Variants in STAT4 observed in about 807,000 individuals in gnomAD.
The protein encoded by STAT4 is signal transducer and activator of transcription 4.
STAT4 carries 42 observed loss-of-function variants against 110.5 expected under a neutral mutation model. The observed-to-expected ratio is 0.38, with a 90% CI of 0.30 to 0.49. STAT4 has a LOEUF of 0.49. Among genes scored for constraint, STAT4 ranks in the 20% least tolerant of loss-of-function variants. The pLI, the probability that STAT4 is intolerant of heterozygous loss-of-function variation, is 0.95. For synonymous variants in STAT4, 284 were observed against 302.2 expected (o/e 0.94, Z 0.63); for missense variants, 632 against 887.9 (o/e 0.71, Z 3.66).
rs1024351038 is a variant in STAT4 at position 191,138,814 on chromosome 2, G to A, written c.273+7799C>T. On this transcript the variant is annotated intron_variant, in intron 3 of 23. Coordinates refer to ENST00000392320, the MANE Select transcript of STAT4 (RefSeq NM_003151.4). This position sits in a 1 kb window ranked among gnomAD's most constrained non-coding sequence, Gnocchi z 4.3. The stretch of plus-strand genomic sequence containing the variant: ...GAAAGGGCATAACAAGAAAACTACC[G>A]GACCAATAGCTCTGATGAACATAGA... Among the ~76,000 whole-genome samples the A allele has an allele frequency of 1.1e-4, 17 of 151,878 alleles. No homozygotes were observed. Among genetic ancestry groups the A allele is most frequent in the African/African-American group, 3.4e-4 (14 of 41,346 alleles).
In STAT4 at chr2:191,124,592, G is replaced by C. The variant is rs188703602; in HGVS notation, c.273+22021C>G. 2.2e-3 allele frequency among the ~76,000 whole-genome samples: 334 copies of C among 152,050 alleles called. 2 individuals are homozygous for C. The highest frequency in any genetic ancestry group is 6.8e-3 in the Middle Eastern group (2 of 292). The stretch of plus-strand genomic sequence containing the variant: ...GGCAGGCAAATATGTAGACACATTA[G>C]TTCCAGTTATTTCCCATTATAATAA... On this transcript the variant is annotated intron_variant, in intron 3 of 23. Coordinates refer to ENST00000392320, the MANE Select transcript of STAT4 (RefSeq NM_003151.4).
At chr2:191,124,845 C>A (rs1047079180) in intron 3 of STAT4, among the ~76,000 whole-genome samples, 1 of 152,210 alleles carries the variant, frequency 6.6e-6, no homozygotes, top group East Asian at 1.9e-4. Context: ...CATTCCTATG[C>A]CACTTCCTAG....
At chr2:191,081,604 A>AT (rs1697483405) in intron 3 of STAT4, among the ~76,000 whole-genome samples, 1 of 152,078 alleles carries the variant, frequency 6.6e-6, no homozygotes. Context: ...GACGATGAGC[A>AT]TTTTTTTCAC....
At chr2:191,123,928 A>C (rs1244399052) in intron 3 of STAT4, among the ~76,000 whole-genome samples, 1 of 152,178 alleles carries the variant, frequency 6.6e-6, no homozygotes, top group East Asian at 1.9e-4. Flanking sequence ...GAAAAATTGT[A>C]AGCCAAACCA....
In STAT4 at chr2:191,034,611, AAAG is replaced by A; in HGVS notation, c.1571-17_1571-15del. 6.2e-7 allele frequency: 1 copy of A among 1,608,088 alleles called. No homozygotes were observed. The highest frequency in any genetic ancestry group is 8.5e-7 in the Non-Finnish European group (1 of 1,174,694). On this transcript the variant is annotated splice_polypyrimidine_tract_variant and intron_variant, in intron 17 of 23. Transcript: ENST00000392320. The stretch of plus-strand genomic sequence containing the variant: ...AGCTAGATTGGACTGAAATGAAAGA[AAAG>A]AATGAAATTTTTCACTGGACAATGA...
At chr2:191,125,449 T>G (rs1390113154) in intron 3 of STAT4, among the ~76,000 whole-genome samples, 2 of 150,280 alleles carry the variant, frequency 1.3e-5, no homozygotes, top group African/African-American at 4.9e-5. Flanking sequence ...GACTATCTAC[T>G]GAGCCATTGG....
At position 191,046,746 on chromosome 2, in the gene STAT4, T is replaced by C. The variant is rs901878659; in HGVS notation, c.1252-5598A>G. ...ACAGAGCTCCTAAGACCTTTCTAGATGGAGATGCCAGGTGAGTCTTCTGTT... is the reference window on the plus strand; with the variant it reads ...ACAGAGCTCCTAAGACCTTTCTAGACGGAGATGCCAGGTGAGTCTTCTGTT... On this transcript the variant is annotated intron_variant, in intron 14 of 23. Transcript: ENST00000392320. The surrounding 1 kb of genome is among the most constrained non-coding windows in gnomAD (Gnocchi z 4.6). Among the ~76,000 whole-genome samples, 1 of 152,242 alleles carries C rather than the reference T, an allele frequency of 6.6e-6. No individual in the cohort carries two copies. The highest frequency in any genetic ancestry group is 1.5e-5 in the Non-Finnish European group (1 of 68,044).
At chr2:191,109,378 C>A (rs1198511887) in intron 3 of STAT4, among the ~76,000 whole-genome samples, 1 of 151,826 alleles carries the variant, frequency 6.6e-6, no homozygotes, top group East Asian at 1.9e-4. Context: ...AAGAGAATGT[C>A]TCCTTCAGGC....
intron 3 of STAT4, among the ~76,000 whole-genome samples, chr2:191,109,085 TGAGAA>T (rs1261607061): frequency 6.6e-6 from 1 of 152,234 alleles, no homozygotes; most frequent in Non-Finnish European, 1.5e-5. Flanking sequence ...TATCTGCTAC[TGAGAA>T]GAGAAGCATT....
Position 191,034,609 on chromosome 2 carries a change from G to T in STAT4, c.1571-12C>A. 1.2e-6 allele frequency: 2 copies of T among 1,607,718 alleles called. No homozygotes were observed. The highest frequency in any genetic ancestry group is 8.5e-7 in the Non-Finnish European group (1 of 1,174,444). On this transcript the variant is annotated splice_polypyrimidine_tract_variant and intron_variant, in intron 17 of 23. Coordinates refer to ENST00000392320, the MANE Select transcript of STAT4 (RefSeq NM_003151.4). ...GTAGCTAGATTGGACTGAAATGAAA[G>T]AAAAGAATGAAATTTTTCACTGGAC...
chr2:191,112,884 C>T lies in STAT4; in HGVS notation c.273+33729G>A, dbSNP rs546448176. On this transcript the variant is annotated intron_variant, in intron 3 of 23. Transcript: ENST00000392320. This position sits in a 1 kb window ranked among gnomAD's most constrained non-coding sequence, Gnocchi z 4.3. ...CTGTGACTCAGAATTAAACATACAA[C>T]GTTCAGTCCTATAATAGAGCAAATA... is the stretch of plus-strand genomic sequence containing the variant. Among the ~76,000 whole-genome samples, 5 of 152,338 alleles carry T rather than the reference C, an allele frequency of 3.3e-5. No homozygotes were observed. Among genetic ancestry groups the T allele is most frequent in the East Asian group, 1.9e-4 (1 of 5,194 alleles).
chr2:191,034,263 A>C (rs1189261123), intron 18 of STAT4, among the ~76,000 whole-genome samples: 2 of 152,082 alleles, frequency 1.3e-5, no homozygotes, highest in Non-Finnish European at 2.9e-5. Context: ...TCTACTAAAA[A>C]TATGAAAAAA....
At chr2:191,063,054 T>C in intron 8 of STAT4, 134 bp from the exon 9 acceptor site, 1 of 764,216 alleles carries the variant, frequency 1.3e-6, no homozygotes, top group South Asian at 3.8e-5. Flanking sequence ...TCACTTAATT[T>C]GATTTAGGTT....
rs1041012976 is a variant in STAT4 at position 191,116,616 on chromosome 2, G to A, written c.273+29997C>T. 2.9e-4 allele frequency among the ~76,000 whole-genome samples: 44 copies of A among 152,182 alleles called. No individual in the cohort carries two copies. The highest frequency in any genetic ancestry group is 9.9e-4 in the African/African-American group (41 of 41,530). ...ACAGTCCATCCCACTTAACTTTCTCGGTTAAAGCAGGACACCACTGAAGGC... is the reference window on the plus strand; with the variant it reads ...ACAGTCCATCCCACTTAACTTTCTCAGTTAAAGCAGGACACCACTGAAGGC... On this transcript the variant is annotated intron_variant, in intron 3 of 23. Coordinates refer to ENST00000392320, the MANE Select transcript of STAT4 (RefSeq NM_003151.4). This position sits in a 1 kb window ranked among gnomAD's most constrained non-coding sequence, Gnocchi z 4.1.
At chr2:191,103,547 T>C (rs1223517175) in intron 3 of STAT4, among the ~76,000 whole-genome samples, 1 of 152,118 alleles carries the variant, frequency 6.6e-6, no homozygotes, top group Non-Finnish European at 1.5e-5. Flanking sequence ...CTTATCAGAA[T>C]CCATAAAAGC....
chr2:191,076,648 CTTT>C (rs71403210), intron 3 of STAT4, among the ~76,000 whole-genome samples: 8 of 136,698 alleles, frequency 5.9e-5, no homozygotes, highest in Admixed American at 1.5e-4. Flanking sequence ...CAGGTTTTTT[CTTT>C]TTTTTTTTTT....
chr2:191,122,900 G>A lies in STAT4; in HGVS notation c.273+23713C>T, dbSNP rs558651541. 2.6e-5 allele frequency among the ~76,000 whole-genome samples: 4 copies of A among 152,258 alleles called. No homozygotes were observed. In the South Asian group the frequency reaches 8.3e-4, roughly 32 times the overall value. On this transcript the variant is annotated intron_variant, in intron 3 of 23. Transcript: ENST00000392320. ...GAGACTTCTACATCTGGAACTGGTG[G>A]TAGTTATATGGATGTATATTAAAAA...
rs1187092089 is a variant in STAT4, at chr2:191,147,288, G to A, written c.129-531C>T. Among the ~76,000 whole-genome samples, 1 of 152,098 alleles carries A rather than the reference G, an allele frequency of 6.6e-6. No homozygotes were observed. Among genetic ancestry groups the A allele is most frequent in the Non-Finnish European group, 1.5e-5 (1 of 68,022 alleles). ...GACAGATACATTTATAAAACAAAAT[G>A]TGATATATACAAACAATGGAATATT... On this transcript the variant is annotated intron_variant, in intron 2 of 23. Transcript: ENST00000392320. The surrounding 1 kb of genome is among the most constrained non-coding windows in gnomAD (Gnocchi z 4.1).
At chr2:191,034,160 T>C (rs2459609) in intron 18 of STAT4, among the ~76,000 whole-genome samples, 155 bp from the exon 19 acceptor site, 151,576 of 152,332 alleles carry the variant, frequency 1, 75,416 homozygotes, top group Middle Eastern at 1. Flanking sequence ...TGGTGGCTCA[T>C]GCCTGTAATC....
Sources: allele counts gnomAD v4.1 joint callset (sites outside exome capture counted in the v4.1 genomes callset), GRCh38; gene constraint gnomAD v4.1.1; non-coding constraint Gnocchi (gnomAD v3.1); transcripts MANE v1.5; gene names NCBI Gene and HGNC (gene_info 2026-07-23, HGNC 2026-07-21).